COL18A1: variants seen among roughly 807,000 people sequenced by gnomAD.
COL18A1 encodes collagen type XVIII alpha 1 chain.
Under a neutral mutation model 168.0 loss-of-function variants are expected in COL18A1, and 133 were observed. The observed-to-expected ratio is 0.79, with a 90% confidence interval of 0.69 to 0.91. COL18A1 has a LOEUF of 0.91. Ranked by LOEUF, COL18A1 falls within the 40% of genes least tolerant of loss-of-function variation. COL18A1 has a pLI of 0.00. For synonymous variants in COL18A1, 949 were observed against 809.0 expected (o/e 1.17, Z -2.94); for missense variants, 2,126 against 1,925.4 (o/e 1.10, Z -1.95).
intron 14 of COL18A1, 81 bp from the exon 15 acceptor site, chr21:45,482,714 T>A: frequency 6.2e-7 from 1 of 1,608,654 alleles, no homozygotes; most frequent in Non-Finnish European, 8.5e-7. Context: ...CGGGGCACAG[T>A]TCCTGGCAGG....
intron 9 of COL18A1, among the ~76,000 whole-genome samples, chr21:45,478,862 G>A (rs1265051592): frequency 6.6e-6 from 1 of 152,216 alleles, no homozygotes; most frequent in Non-Finnish European, 1.5e-5. Flanking sequence ...GCAGAAAGTG[G>A]GGCCGTCACG....
At chr21:45,507,705 A>C in intron 38 of COL18A1, 112 bp downstream of exon 38, 1 of 1,019,426 alleles carries the variant, frequency 9.8e-7, no homozygotes, top group East Asian at 2.6e-5. Flanking sequence ...GGAGCTGAAC[A>C]TGTGGCTCAC....
At chr21:45,436,702 A>G (rs866833311) in intron 2 of COL18A1, among the ~76,000 whole-genome samples, 3 of 145,820 alleles carry the variant, frequency 2.1e-5, no homozygotes, top group Admixed American at 6.8e-5. Flanking sequence ...GAGGCTGCTC[A>G]GGGGACTGCT....
At chr21:45,426,178 C>T (rs1258824184) in intron 2 of COL18A1, among the ~76,000 whole-genome samples, 1 of 152,044 alleles carries the variant, frequency 6.6e-6, no homozygotes, top group African/African-American at 2.4e-5. Flanking sequence ...AATCTTGGCT[C>T]ACTGCAACCT....
chr21:45,495,565 C>G (rs1050557982), intron 29 of COL18A1, 133 bp downstream of exon 29: 17 of 741,522 alleles, frequency 2.3e-5, no homozygotes, highest in Admixed American at 1.4e-4. Flanking sequence ...CCACACAGCA[C>G]TGGTCATGCC....
chr21:45,442,657 G>A (rs1205579034), intron 2 of COL18A1, among the ~76,000 whole-genome samples: 2 of 140,494 alleles, frequency 1.4e-5, no homozygotes, highest in African/African-American at 5.5e-5. Flanking sequence ...AGCGGTGCTG[G>A]TGTGGGCGGC....
At chr21:45,411,782 T>TGGGGGGGGGGGGGGGGG (rs2033305093) in intron 2 of COL18A1, among the ~76,000 whole-genome samples, 1 of 116,620 alleles carries the variant, frequency 8.6e-6, no homozygotes. Flanking sequence ...GGGGGCAGGC[T>TGGGGGGGGGGGGGGGGG]GTGGTCAGGG....
chr21:45,468,130 C>T, intron 2 of COL18A1, 112 bp from the exon 3 acceptor site: 2 of 1,202,610 alleles, frequency 1.7e-6, no homozygotes, highest in Non-Finnish European at 2.4e-6. Flanking sequence ...GGAGAGCCCT[C>T]CCAGACTCAG....
At chr21:45,501,774 C>CT in intron 32 of COL18A1, among the ~76,000 whole-genome samples, 1 of 66,620 alleles carries the variant, frequency 1.5e-5, no homozygotes. Context: ...CAGAAGGACC[C>CT]CCAGGGGCTC....
intron 37 of COL18A1, chr21:45,507,033 C>T (rs937708320): frequency 9.6e-6 from 3 of 313,656 alleles, no homozygotes; most frequent in African/African-American, 6.5e-5. Context: ...CAGGAGGAGG[C>T]AGGGGATGGC....
At position 45,480,168 on chromosome 21, in the gene COL18A1, C is replaced by T. The variant is rs769477510; in HGVS notation, c.1398+12C>T. 3 of 1,489,068 alleles carry T rather than the reference C, an allele frequency of 2.0e-6. No individual in the cohort carries two copies. The Admixed American group carries it at 5.3e-5, about 26-fold the overall frequency. 92.2% of individuals were successfully genotyped at this position (1,489,068 alleles called of 1,614,324 possible). On this transcript the variant is annotated intron_variant, in intron 11 of 41. Coordinates refer to ENST00000651438, the MANE Select transcript of COL18A1 (RefSeq NM_001379500.1). ...GACACGACAAGCTGGTAAGTCCCGC[C>T]CTTGGCTTCCTGCGACCCGGGGTCT...
intron 15 of COL18A1, among the ~76,000 whole-genome samples, chr21:45,484,531 A>G (rs1303765280): frequency 6.6e-6 from 1 of 152,182 alleles, no homozygotes; most frequent in African/African-American, 2.4e-5. Flanking sequence ...GCACATACAC[A>G]TAGCCAGCAC....
chr21:45,460,114 A>G (rs1183206345), intron 2 of COL18A1, among the ~76,000 whole-genome samples: 1 of 147,730 alleles, frequency 6.8e-6, no homozygotes, highest in East Asian at 2.0e-4. Flanking sequence ...AAGTGTGGCT[A>G]GCAAGGAGGG....
intron 2 of COL18A1, among the ~76,000 whole-genome samples, chr21:45,432,236 AGCTGGG>A (rs111812117): frequency 0.27 from 40,378 of 151,960 alleles, 7,485 homozygotes; most frequent in African/African-American, 0.51. Flanking sequence ...TGAAGGTCAG[AGCTGGG>A]GCTGGGGCTG....
chr21:45,440,457 C>T (rs2034337530), intron 2 of COL18A1, among the ~76,000 whole-genome samples: 1 of 152,230 alleles, frequency 6.6e-6, no homozygotes, highest in Non-Finnish European at 1.5e-5. Flanking sequence ...GGCCTCCGTG[C>T]CATGTTCCCC....
intron 8 of COL18A1, 140 bp downstream of exon 8, chr21:45,478,105 C>A: frequency 1.3e-6 from 1 of 746,390 alleles, no homozygotes; most frequent in Non-Finnish European, 2.3e-6. Flanking sequence ...CCCACCGTTG[C>A]TCGGGGTTGG....
intron 37 of COL18A1, chr21:45,507,319 T>G (rs1159929611): frequency 3.7e-6 from 2 of 539,896 alleles, no homozygotes; most frequent in African/African-American, 2.1e-5. Flanking sequence ...CACCCTCCTG[T>G]GGGCTGGCAG....
chr21:45,409,392 T>C (rs1201535679), intron 2 of COL18A1, among the ~76,000 whole-genome samples: 2 of 152,212 alleles, frequency 1.3e-5, no homozygotes, highest in Non-Finnish European at 2.9e-5. Flanking sequence ...CTGTGGCCCA[T>C]GAAGATCCTG....
At chr21:45,434,628 G>A (rs1379624993) in intron 2 of COL18A1, among the ~76,000 whole-genome samples, 1 of 152,234 alleles carries the variant, frequency 6.6e-6, no homozygotes, top group Non-Finnish European at 1.5e-5. Context: ...CTTCTCCTCA[G>A]AGGGTGGCAG....
Sources: allele counts gnomAD v4.1 joint callset (sites outside exome capture counted in the v4.1 genomes callset), GRCh38; gene constraint gnomAD v4.1.1; transcripts MANE v1.5; gene names NCBI Gene and HGNC (gene_info 2026-07-23, HGNC 2026-07-21).